Variants in HACD3 observed in about 807,000 individuals in gnomAD.
The protein encoded by HACD3 is very-long-chain (3R)-3-hydroxyacyl-CoA dehydratase 3.
In HACD3, 30 loss-of-function variants were observed where a neutral mutation model predicts 55.2. That is an observed-to-expected ratio of 0.54 (90% CI 0.41 to 0.74). The LOEUF (loss-of-function observed/expected upper bound fraction) is 0.74, where lower values mean the gene tolerates loss of function less well. Ranked by LOEUF, HACD3 falls within the 30% of genes least tolerant of loss-of-function variation. The probability of loss-of-function intolerance (pLI) is 0.00; values close to 1 mark genes in which losing one functional copy is unlikely to be tolerated. For synonymous variants in HACD3, 141 were observed against 151.7 expected, an observed-to-expected ratio of 0.93 and a Z score of 0.52; for missense variants, 363 against 440.1, an observed-to-expected ratio of 0.82 and a Z score of 1.57.
Position 65,571,607 on chromosome 15 carries a change from G to A in HACD3, c.833G>A (p.Arg278His), listed in dbSNP as rs763619140. 10 of 1,613,724 alleles carry A rather than the reference G, an allele frequency of 6.2e-6. No homozygotes were observed. Among genetic ancestry groups the A allele is most frequent in the East Asian group, 2.2e-5 (1 of 44,898 alleles). ...GATTGGAAGGTGCTCACATGGCTTC[G>A]TTACACTCTGTGGATTCCCTTATAT... is the stretch of plus-strand genomic sequence containing the variant. Reference protein sequence around the residue: ...DMDWKVLTWLRYTLWIPLYPL... With the variant: ...DMDWKVLTWLHYTLWIPLYPL... The change falls in exon 9 of 11, where the codon CGT becomes CAT. Residue 278 changes from arginine to histidine, a missense_variant. Transcript: ENST00000261875.
At chr15:65,541,200 G>A (rs1166201598) in intron 1 of HACD3, among the ~76,000 whole-genome samples, 2 of 152,174 alleles carry the variant, frequency 1.3e-5, no homozygotes, top group African/African-American at 4.8e-5. Flanking sequence ...AGTAGTCTGG[G>A]TGAAAATAGA....
intron 5 of HACD3, among the ~76,000 whole-genome samples, 180 bp from the exon 6 acceptor site, chr15:65,562,594 G>A (rs1447419480): frequency 2.0e-5 from 3 of 152,082 alleles, no homozygotes; most frequent in Non-Finnish European, 4.4e-5. Context: ...AATGTTCCTT[G>A]TATGTTTCTC....
chr15:65,556,963 C>G (rs2072198091), intron 4 of HACD3, 60 bp downstream of exon 4: 2 of 1,476,650 alleles, frequency 1.4e-6, no homozygotes, highest in Non-Finnish European at 1.8e-6. Flanking sequence ...CCACGTTATT[C>G]AGGCCACTTC....
chr15:65,530,988 G>T (rs2071892001), intron 1 of HACD3, among the ~76,000 whole-genome samples: 2 of 152,242 alleles, frequency 1.3e-5, no homozygotes, highest in Admixed American at 1.3e-4. Context: ...CCTCTTCTTT[G>T]TTCGCAGTCG....
intron 1 of HACD3, among the ~76,000 whole-genome samples, chr15:65,547,223 TCTC>T (rs1196422712): frequency 3.9e-5 from 6 of 151,994 alleles, no homozygotes; most frequent in African/African-American, 1.5e-4. Flanking sequence ...TTCAAGCAAT[TCTC>T]CTGCCTCAGC....
chr15:65,546,995 C>A (rs965024005), intron 1 of HACD3, among the ~76,000 whole-genome samples: 15 of 152,274 alleles, frequency 9.9e-5, no homozygotes, highest in African/African-American at 3.6e-4. Flanking sequence ...CACGTATAAG[C>A]CTCTTTATCA....
intron 7 of HACD3, among the ~76,000 whole-genome samples, chr15:65,569,074 C>T (rs972384654): frequency 2.2e-4 from 33 of 151,838 alleles, no homozygotes; most frequent in African/African-American, 7.5e-4. Context: ...GGTGAAACCC[C>T]GTCTCTACTA....
chr15:65,569,302 T>A (rs2072325978), intron 7 of HACD3, among the ~76,000 whole-genome samples: 1 of 150,846 alleles, frequency 6.6e-6, no homozygotes, highest in Non-Finnish European at 1.5e-5. Context: ...CCCGTAACTC[T>A]GAGTAAGAAG....
intron 1 of HACD3, among the ~76,000 whole-genome samples, chr15:65,543,448 AC>A (rs1424650277): frequency 6.6e-6 from 1 of 152,150 alleles, no homozygotes; most frequent in Non-Finnish European, 1.5e-5. Flanking sequence ...TAATTCTGAA[AC>A]TTTTTTGGGA....
intron 1 of HACD3, among the ~76,000 whole-genome samples, chr15:65,542,127 G>A (rs183016882): frequency 3.5e-4 from 52 of 150,128 alleles, no homozygotes; most frequent in African/African-American, 1.2e-3. Flanking sequence ...TACTTGGGAG[G>A]CTGAGGCAGG....
rs564112941 is a variant in HACD3, at chr15:65,564,211, A to G, written c.533-4A>G. 5.6e-6 allele frequency: 9 copies of G among 1,612,604 alleles called. No homozygotes were observed. In the East Asian group the frequency reaches 8.9e-5, roughly 16 times the overall value. ...TCACCCTTAATGTATATTTTTGCCTATAGAGTCCTTTTATGACACATTCCA... is the reference window on the plus strand; with the variant it reads ...TCACCCTTAATGTATATTTTTGCCTGTAGAGTCCTTTTATGACACATTCCA... On this transcript the variant is annotated splice_region_variant and splice_polypyrimidine_tract_variant and intron_variant, in intron 6 of 10. Transcript: ENST00000261875.
chr15:65,574,547 C>T (rs2072382024), intron 10 of HACD3: 5 of 152,190 alleles, frequency 3.3e-5, no homozygotes, highest in Admixed American at 3.3e-4. Flanking sequence ...GAAGACCACG[C>T]AAGGTAAGCC....
chr15:65,570,046 A>G (rs772384046), intron 7 of HACD3, 45 bp from the exon 8 acceptor site: 2 of 1,273,260 alleles, frequency 1.6e-6, no homozygotes, highest in South Asian at 1.3e-5. Flanking sequence ...ATAACTTTAC[A>G]TATATTTTAT....
chr15:65,557,640 A>G (rs2072206526), intron 4 of HACD3, among the ~76,000 whole-genome samples: 1 of 152,156 alleles, frequency 6.6e-6, no homozygotes, highest in Admixed American at 6.5e-5. Context: ...TTTAAGGAGC[A>G]GGGAGTTATG....
At chr15:65,546,683 T>C (rs1192515163) in intron 1 of HACD3, among the ~76,000 whole-genome samples, 1 of 152,210 alleles carries the variant, frequency 6.6e-6, no homozygotes, top group African/African-American at 2.4e-5. Flanking sequence ...TCAAGTGATC[T>C]GCCTGCTTTG....
intron 1 of HACD3, among the ~76,000 whole-genome samples, chr15:65,533,016 A>G (rs185756345): frequency 1.3e-5 from 2 of 152,324 alleles, no homozygotes; most frequent in African/African-American, 2.4e-5. Context: ...TCTTTCATTT[A>G]GTTAGTGATG....
chr15:65,530,914 C>T, intron 1 of HACD3, 196 bp downstream of exon 1: 1 of 556,878 alleles, frequency 1.8e-6, no homozygotes, highest in South Asian at 2.3e-5. Flanking sequence ...CACAACCCCC[C>T]GAGGGCTGCA....
chr15:65,556,911 A>G lies in HACD3; in HGVS notation c.369+8A>G. On this transcript the variant is annotated splice_region_variant and intron_variant, in intron 4 of 10. Coordinates refer to ENST00000261875, the MANE Select transcript of HACD3 (RefSeq NM_016395.4). ...ATGGAGCTCAGAGCTAAGGTTAGTA[A>G]GGATCCTAGGATCTAGCCATTGAGG... 6.2e-7 allele frequency: 1 copy of G among 1,605,496 alleles called. No homozygotes were observed. Among genetic ancestry groups the G allele is most frequent in the South Asian group, 1.1e-5 (1 of 89,486 alleles).
chr15:65,572,162 T>G, intron 9 of HACD3, 73 bp from the exon 10 acceptor site: 4 of 1,570,096 alleles, frequency 2.5e-6, no homozygotes, highest in Non-Finnish European at 3.5e-6. Flanking sequence ...TTTAGAGTAC[T>G]AGGACTGGAA....
Sources: allele counts gnomAD v4.1 joint callset (sites outside exome capture counted in the v4.1 genomes callset), GRCh38; gene constraint gnomAD v4.1.1; transcripts MANE v1.5; gene names NCBI Gene and HGNC (gene_info 2026-07-23, HGNC 2026-07-21).